Variants in PPP2R2B observed in about 807,000 individuals in gnomAD.
The protein encoded by PPP2R2B is serine/threonine-protein phosphatase 2A 55 kDa regulatory subunit B beta isoform.
A neutral mutation model predicts 46.0 loss-of-function variants in PPP2R2B; 5 were observed. The ratio of observed to expected loss-of-function variants is 0.11; its 90% confidence interval spans 0.06 to 0.23. PPP2R2B has a LOEUF of 0.23. PPP2R2B is among the 10% of genes least tolerant of loss of function. PPP2R2B has a pLI of 1.00. For synonymous variants in PPP2R2B, 215 were observed against 206.7 expected, an observed-to-expected ratio of 1.04 and a Z score of -0.34; for missense variants, 367 against 575.0, an observed-to-expected ratio of 0.64 and a Z score of 3.70.
upstream of PPP2R2B, among the ~76,000 whole-genome samples, chr5:146,880,342 C>T (rs995209131): frequency 1.3e-4 from 20 of 152,070 alleles, no homozygotes; most frequent in African/African-American, 4.3e-4. Flanking sequence ...CAGGTGAAGA[C>T]GGGTACAAGT....
At chr5:146,629,676 C>A (rs1440402790) in intron 7 of PPP2R2B, among the ~76,000 whole-genome samples, 1 of 152,088 alleles carries the variant, frequency 6.6e-6, no homozygotes, top group Non-Finnish European at 1.5e-5. Flanking sequence ...CTAGACCCAG[C>A]CTACCTCTCT....
At chr5:146,984,488 A>T (rs1460546015) in intron 1 of PPP2R2B, among the ~76,000 whole-genome samples, 2 of 152,180 alleles carry the variant, frequency 1.3e-5, no homozygotes, top group Non-Finnish European at 2.9e-5. Flanking sequence ...TCATCTGTTG[A>T]TGGACACTTA....
chr5:147,060,540 A>G (rs1757225926), upstream of PPP2R2B, among the ~76,000 whole-genome samples: 3 of 152,264 alleles, frequency 2.0e-5, no homozygotes, highest in Admixed American at 1.3e-4. Context: ...AAGCAGGAGG[A>G]TCACTTGAGC....
intron 2 of PPP2R2B, among the ~76,000 whole-genome samples, chr5:146,821,998 A>G (rs1171230322): frequency 6.6e-6 from 1 of 152,238 alleles, no homozygotes; most frequent in Admixed American, 6.5e-5. Context: ...GGCCCAAGTA[A>G]GACTAGAACT....
intron 1 of PPP2R2B, among the ~76,000 whole-genome samples, chr5:146,968,183 C>T (rs1290748710): frequency 6.6e-6 from 1 of 152,208 alleles, no homozygotes; most frequent in Non-Finnish European, 1.5e-5. Flanking sequence ...CAAAGTCATT[C>T]CACATTCCAT....
chr5:146,945,466 GGTCTGAATT>G (rs760527797), intron 1 of PPP2R2B, among the ~76,000 whole-genome samples: 1 of 152,136 alleles, frequency 6.6e-6, no homozygotes, highest in Non-Finnish European at 1.5e-5. Flanking sequence ...CAGAAATCAT[GGTCTGAATT>G]GTAATAGTTG....
intron 6 of PPP2R2B, among the ~76,000 whole-genome samples, chr5:146,639,136 T>C (rs567457924): frequency 1.1e-3 from 169 of 152,350 alleles, no homozygotes; most frequent in African/African-American, 3.8e-3. Flanking sequence ...TAGGATTTCA[T>C]CCCAGGTGCA....
chr5:146,603,859 T>C (rs973613857), intron 7 of PPP2R2B, among the ~76,000 whole-genome samples: 2 of 152,182 alleles, frequency 1.3e-5, no homozygotes, highest in African/African-American at 2.4e-5. Flanking sequence ...CACACTGAGA[T>C]AGAGCTGCAT....
intron 7 of PPP2R2B, among the ~76,000 whole-genome samples, chr5:146,609,844 G>A (rs992535372): frequency 6.5e-5 from 9 of 137,840 alleles, no homozygotes; most frequent in Admixed American, 5.8e-4. Context: ...AGGGTCCTAC[G>A]CCCACGGAAT....
chr5:146,596,422 T>G (rs989199649), intron 8 of PPP2R2B, among the ~76,000 whole-genome samples: 9 of 148,116 alleles, frequency 6.1e-5, no homozygotes, highest in African/African-American at 2.3e-4. Flanking sequence ...TTAACTAATT[T>G]CTTTCCCACT....
At chr5:146,900,988 T>A (rs1428323594) in intron 1 of PPP2R2B, among the ~76,000 whole-genome samples, 2 of 152,214 alleles carry the variant, frequency 1.3e-5, no homozygotes, top group Non-Finnish European at 2.9e-5. Context: ...CTGCATAGTA[T>A]TCCATGGTAT....
At chr5:146,969,635 C>T in intron 1 of PPP2R2B, among the ~76,000 whole-genome samples, 1 of 152,122 alleles carries the variant, frequency 6.6e-6, no homozygotes, top group East Asian at 1.9e-4. Context: ...GCAGTGGCCA[C>T]AGGGATGGCA....
chr5:147,016,552 A>T (rs113271756), intron 1 of PPP2R2B, among the ~76,000 whole-genome samples: 1 of 8,046 alleles, frequency 1.2e-4, no homozygotes, highest in Non-Finnish European at 3.1e-4. Context: ...GAGAAAACAT[A>T]GGGGACACAG....
At chr5:147,071,207 G>A (rs536566511) in intron 2 of PPP2R2B, among the ~76,000 whole-genome samples, 1 of 152,314 alleles carries the variant, frequency 6.6e-6, no homozygotes, top group South Asian at 2.1e-4. Flanking sequence ...GCAAGGCAGG[G>A]AGATGGAGAG....
chr5:147,004,063 C>G (rs755404486), intron 1 of PPP2R2B, among the ~76,000 whole-genome samples: 21 of 152,106 alleles, frequency 1.4e-4, no homozygotes, highest in Admixed American at 9.8e-4. Context: ...AAAGGAAAAG[C>G]GAGATCGGAG....
intron 1 of PPP2R2B, among the ~76,000 whole-genome samples, chr5:147,016,971 A>G (rs1755037258): frequency 6.6e-6 from 1 of 151,620 alleles, no homozygotes; most frequent in African/African-American, 2.4e-5. Flanking sequence ...TTGCAGGTAA[A>G]GGAGAAACAT....
rs537364596 is a variant in PPP2R2B, at chr5:146,652,489, G to A, written c.448-1765C>T. On this transcript the variant is annotated intron_variant, in intron 5 of 9. Coordinates refer to ENST00000394411, the MANE Select transcript of PPP2R2B (RefSeq NM_181675.4). ...TTAAAAGGGCTAGGTGCGCAAAAGA[G>A]AGGATATACTGCCAAGAGGGATTTA... Among the ~76,000 whole-genome samples, 27 of 152,276 alleles carry A rather than the reference G, an allele frequency of 1.8e-4. 1 individual carries two copies. In the South Asian group the frequency reaches 5.2e-3, roughly 29 times the overall value.
At chr5:146,858,972 T>G (rs1760827937) in intron 2 of PPP2R2B, among the ~76,000 whole-genome samples, 1 of 152,168 alleles carries the variant, frequency 6.6e-6, no homozygotes, top group Non-Finnish European at 1.5e-5. Flanking sequence ...TCTAAAAATG[T>G]TAGTGGTCAG....
At chr5:146,916,921 A>G (rs1763408819) in intron 1 of PPP2R2B, among the ~76,000 whole-genome samples, 1 of 152,164 alleles carries the variant, frequency 6.6e-6, no homozygotes, top group African/African-American at 2.4e-5. Flanking sequence ...CATCTTAATC[A>G]TGAATTTGCT....
Sources: allele counts gnomAD v4.1 joint callset (sites outside exome capture counted in the v4.1 genomes callset), GRCh38; gene constraint gnomAD v4.1.1; transcripts MANE v1.5; gene names NCBI Gene and HGNC (gene_info 2026-07-23, HGNC 2026-07-21).